Variants in PTPRD observed in about 807,000 individuals in gnomAD.
The protein encoded by PTPRD is receptor-type tyrosine-protein phosphatase delta.
A neutral mutation model predicts 214.5 loss-of-function variants in PTPRD; 34 were observed. The observed-to-expected ratio is 0.16, with a 90% CI of 0.12 to 0.21. The LOEUF (loss-of-function observed/expected upper bound fraction) is 0.21, where lower values mean the gene tolerates loss of function less well. Ranked by LOEUF, PTPRD falls within the 10% of genes least tolerant of loss-of-function variation. The probability of loss-of-function intolerance (pLI) is 1.00; values close to 1 mark genes in which losing one functional copy is unlikely to be tolerated. For synonymous variants in PTPRD, 1,128 were observed against 845.7 expected, an observed-to-expected ratio of 1.33 and a Z score of -5.79; for missense variants, 2,545 against 2,398.7, an observed-to-expected ratio of 1.06 and a Z score of -1.27.
At chr9:9,610,725 C>T (rs1023603880) in intron 7 of PTPRD, among the ~76,000 whole-genome samples, 2 of 151,942 alleles carry the variant, frequency 1.3e-5, no homozygotes, top group Non-Finnish European at 2.9e-5. Flanking sequence ...AATTATTGTT[C>T]TGATTACCTT....
chr9:10,199,955 A>C (rs2099413088), intron 3 of PTPRD, among the ~76,000 whole-genome samples: 1 of 151,962 alleles, frequency 6.6e-6, no homozygotes, highest in African/African-American at 2.4e-5. Flanking sequence ...CTGAGGAAAT[A>C]ACAAATATAT....
chr9:9,519,594 T>C (rs556843653), intron 8 of PTPRD, among the ~76,000 whole-genome samples: 1 of 151,980 alleles, frequency 6.6e-6, no homozygotes, highest in South Asian at 2.1e-4. Flanking sequence ...ATGAAATAAA[T>C]CAACTCCTAG....
chr9:9,562,346 C>T (rs781093972), intron 8 of PTPRD, among the ~76,000 whole-genome samples: 1 of 152,078 alleles, frequency 6.6e-6, no homozygotes, highest in African/African-American at 2.4e-5. Context: ...CTGGATGAAG[C>T]CCCTATTATT....
intron 2 of PTPRD, among the ~76,000 whole-genome samples, chr9:10,382,072 T>G (rs2154484465): frequency 6.6e-6 from 1 of 152,040 alleles, no homozygotes; most frequent in Non-Finnish European, 1.5e-5. Flanking sequence ...GTCTAATGTC[T>G]GCAATTCACT....
At chr9:9,511,137 C>A (rs2096696798) in intron 8 of PTPRD, among the ~76,000 whole-genome samples, 1 of 151,562 alleles carries the variant, frequency 6.6e-6, no homozygotes, top group African/African-American at 2.4e-5. Context: ...TTATTTTTTT[C>A]CTAAGGTTGG....
intron 5 of PTPRD, among the ~76,000 whole-genome samples, chr9:9,807,686 C>T (rs2153530010): frequency 6.6e-6 from 1 of 152,294 alleles, no homozygotes; most frequent in East Asian, 1.9e-4. Context: ...CTATTTACAG[C>T]ATTCTATTTC....
At chr9:9,914,496 G>C (rs1566256741) in intron 5 of PTPRD, among the ~76,000 whole-genome samples, 1 of 152,170 alleles carries the variant, frequency 6.6e-6, no homozygotes, top group Non-Finnish European at 1.5e-5. Context: ...TCAGAGGCCA[G>C]CCAAACAGCC....
At chr9:8,977,612 C>G (rs1002683459) in intron 11 of PTPRD, among the ~76,000 whole-genome samples, 4 of 151,418 alleles carry the variant, frequency 2.6e-5, no homozygotes, top group Non-Finnish European at 5.9e-5. Flanking sequence ...AAATTTTACT[C>G]TCTATTTTAA....
At chr9:10,126,736 G>A (rs552223795) in intron 3 of PTPRD, among the ~76,000 whole-genome samples, 34 of 152,132 alleles carry the variant, frequency 2.2e-4, no homozygotes, top group African/African-American at 8.0e-4. Flanking sequence ...GACAGGGATG[G>A]GTATTGACTG....
chr9:8,928,629 C>A (rs777935060), intron 11 of PTPRD, among the ~76,000 whole-genome samples: 1 of 151,896 alleles, frequency 6.6e-6, no homozygotes, highest in African/African-American at 2.4e-5. Flanking sequence ...TAGCATGATG[C>A]CTCTGGCTTT....
chr9:9,513,470 T>C (rs766611701), intron 8 of PTPRD, among the ~76,000 whole-genome samples: 2 of 151,932 alleles, frequency 1.3e-5, no homozygotes, highest in Non-Finnish European at 2.9e-5. Flanking sequence ...ATGCTTACTA[T>C]ATATAATGTA....
intron 11 of PTPRD, among the ~76,000 whole-genome samples, chr9:8,884,420 A>C (rs1827793627): frequency 6.6e-6 from 1 of 152,234 alleles, no homozygotes; most frequent in Admixed American, 6.5e-5. Context: ...TGAGTAACCC[A>C]GAAGGTAGAA....
At chr9:9,835,540 A>G (rs544256367) in intron 5 of PTPRD, among the ~76,000 whole-genome samples, 1 of 152,230 alleles carries the variant, frequency 6.6e-6, no homozygotes, top group South Asian at 2.1e-4. Context: ...ATTAAACTGG[A>G]GACAAATGGG....
At chr9:10,503,217 A>C (rs537094728) in intron 2 of PTPRD, among the ~76,000 whole-genome samples, 19 of 148,826 alleles carry the variant, frequency 1.3e-4, no homozygotes, top group East Asian at 7.8e-4. Context: ...ACAAAAAAAA[A>C]CACCATTTTT....
chr9:10,070,472 C>A (rs1483660215), intron 3 of PTPRD, among the ~76,000 whole-genome samples: 1 of 151,896 alleles, frequency 6.6e-6, no homozygotes, highest in African/African-American at 2.4e-5. Context: ...TTATGCATTT[C>A]TATGAAAGAT....
At chr9:8,679,542 A>C (rs1469762451) in intron 12 of PTPRD, among the ~76,000 whole-genome samples, 1 of 152,232 alleles carries the variant, frequency 6.6e-6, no homozygotes, top group East Asian at 1.9e-4. Flanking sequence ...GAACGCCTTC[A>C]ACTCCTGAGG....
intron 3 of PTPRD, among the ~76,000 whole-genome samples, chr9:10,241,207 A>G (rs1325806369): frequency 2.0e-5 from 3 of 151,982 alleles, no homozygotes; most frequent in Non-Finnish European, 4.4e-5. Flanking sequence ...ATCAAGTGTT[A>G]GTGAGGATAC....
At chr9:8,434,591 C>G (rs1430629134) in intron 35 of PTPRD, among the ~76,000 whole-genome samples, 2 of 152,122 alleles carry the variant, frequency 1.3e-5, no homozygotes, top group African/African-American at 4.8e-5. Flanking sequence ...ACAGGTCGAG[C>G]TATCATATTT....
intron 8 of PTPRD, among the ~76,000 whole-genome samples, chr9:9,481,664 G>T (rs931608292): frequency 2.6e-5 from 4 of 151,704 alleles, no homozygotes; most frequent in Admixed American, 2.6e-4. Flanking sequence ...TTTTAATGAA[G>T]AAAGAGGTCC....
Sources: allele counts gnomAD v4.1 joint callset (sites outside exome capture counted in the v4.1 genomes callset), GRCh38; gene constraint gnomAD v4.1.1; transcripts MANE v1.5; gene names NCBI Gene and HGNC (gene_info 2026-07-23, HGNC 2026-07-21).